Variants in AMMECR1 observed in about 807,000 individuals in gnomAD.
AMMECR1 encodes the protein AMMECR nuclear protein 1.
A neutral mutation model predicts 22.5 loss-of-function variants in AMMECR1; 3 were observed. That is an observed-to-expected ratio of 0.13 (90% confidence interval 0.06 to 0.35). The LOEUF is 0.35. AMMECR1 is among the 10% of genes least tolerant of loss of function. The pLI, the probability that AMMECR1 is intolerant of heterozygous loss-of-function variation, is 1.00. For synonymous variants in AMMECR1, 130 were observed against 116.7 expected (o/e 1.11, Z -0.74); for missense variants, 235 against 278.7 (o/e 0.84, Z 1.12).
chrX:110,347,907 T>C (rs181856031), intron 2 of AMMECR1, among the ~76,000 whole-genome samples: 2 of 112,708 alleles, frequency 1.8e-5, no homozygotes, highest in East Asian at 5.5e-4. Context: ...CTTCTGATCT[T>C]TGTGAATACT....
chrX:110,356,657 T>A (rs940196806), intron 2 of AMMECR1, among the ~76,000 whole-genome samples: 4 of 111,299 alleles, frequency 3.6e-5, no homozygotes, highest in Non-Finnish European at 7.5e-5. Context: ...AACATCACAT[T>A]GTACCATATA....
intron 2 of AMMECR1, among the ~76,000 whole-genome samples, chrX:110,399,004 G>A (rs1190568941): frequency 1.8e-5 from 2 of 111,945 alleles, no homozygotes; most frequent in African/African-American, 6.5e-5. Context: ...GAGAGTGGTG[G>A]AACTCATGTT....
chrX:110,297,451 C>T (rs1250501103), intron 1 of AMMECR1, among the ~76,000 whole-genome samples: 1 of 111,662 alleles, frequency 9.0e-6, no homozygotes. Flanking sequence ...ATGTGAGGAG[C>T]TTGCAACTCT....
chrX:110,319,288 T>C (rs1444013411), upstream of AMMECR1, among the ~76,000 whole-genome samples: 2 of 112,405 alleles, frequency 1.8e-5, no homozygotes, highest in Non-Finnish European at 3.8e-5. Context: ...ATCTACACCA[T>C]GCTAAAACAT....
intron 2 of AMMECR1, among the ~76,000 whole-genome samples, chrX:110,228,916 A>C (rs768797262): frequency 8.9e-6 from 1 of 112,415 alleles, no homozygotes; most frequent in Non-Finnish European, 1.9e-5. Flanking sequence ...CATTTTTAAA[A>C]TAGAGTATTT....
At chrX:110,258,086 T>C (rs1172987416) in intron 2 of AMMECR1, among the ~76,000 whole-genome samples, 1 of 111,912 alleles carries the variant, frequency 8.9e-6, no homozygotes, top group Non-Finnish European at 1.9e-5. Flanking sequence ...GCCCCAGGCA[T>C]TTTGCCTGTG....
chrX:110,349,348 G>T lies in AMMECR1; in HGVS notation c.-147-31499C>A, dbSNP rs901780449. ...CTGAGAAGTCCAAGATTGAGATTAGGGTGCCAATGTGCTCAGTGTGGTGCA... is the reference window on the plus strand; with the variant it reads ...CTGAGAAGTCCAAGATTGAGATTAGTGTGCCAATGTGCTCAGTGTGGTGCA... On this transcript the variant is annotated intron_variant, in intron 2 of 7. Transcript: ENST00000372057. Among the ~76,000 whole-genome samples the T allele has an allele frequency of 3.6e-5, 4 of 111,426 alleles. 1 individual carries two copies. The highest frequency in any genetic ancestry group is 7.5e-5 in the Non-Finnish European group (4 of 53,073).
chrX:110,251,011 C>T (rs1196506011), intron 2 of AMMECR1, among the ~76,000 whole-genome samples: 1 of 112,090 alleles, frequency 8.9e-6, no homozygotes, highest in Non-Finnish European at 1.9e-5. Context: ...CACTATCAAT[C>T]AACACTGGTA....
chrX:110,334,831 C>G lies in AMMECR1; in HGVS notation c.-147-16982G>C, dbSNP rs2068134928. 2.7e-5 allele frequency among the ~76,000 whole-genome samples: 3 copies of G among 111,983 alleles called. No homozygotes were observed. In the Admixed American group the frequency reaches 2.8e-4, roughly 11 times the overall value. On this transcript the variant is annotated intron_variant, in intron 2 of 7. Coordinates refer to the AMMECR1 transcript ENST00000372057. ...CCTCATGTTCTGGACCACACAGAGT[C>G]AGACCTTGGCACATTTCTGCCTGCT...
At chrX:110,325,748 T>C (rs995340397) in intron 2 of AMMECR1, among the ~76,000 whole-genome samples, 2 of 112,106 alleles carry the variant, frequency 1.8e-5, no homozygotes, top group Admixed American at 1.9e-4. Context: ...GTTTGGTTAC[T>C]TTTCTCTATT....
intron 2 of AMMECR1, among the ~76,000 whole-genome samples, chrX:110,425,062 T>TA (rs1166747974): frequency 8.9e-6 from 1 of 111,976 alleles, no homozygotes; most frequent in Admixed American, 9.5e-5. Flanking sequence ...AGAATCCTCT[T>TA]ATAATCACTG....
At chrX:110,425,654 A>G (rs1376127851) in intron 2 of AMMECR1, among the ~76,000 whole-genome samples, 1 of 112,479 alleles carries the variant, frequency 8.9e-6, no homozygotes, top group Non-Finnish European at 1.9e-5. Flanking sequence ...ACACTCACTA[A>G]TTCATTTAAT....
In AMMECR1 at chrX:110,252,808, C is replaced by T. The variant is rs187543208; in HGVS notation, c.584+11681G>A. On this transcript the variant is annotated intron_variant, in intron 2 of 5. Coordinates refer to ENST00000262844, the MANE Select transcript of AMMECR1 (RefSeq NM_015365.3). ...TCCTTGCCCTCATGGAATTTACATTCGCATTAAGAAAGACTCACAAATATA... is the reference window on the plus strand; with the variant it reads ...TCCTTGCCCTCATGGAATTTACATTTGCATTAAGAAAGACTCACAAATATA... Among the ~76,000 whole-genome samples, 200 of 112,406 alleles carry T rather than the reference C, an allele frequency of 1.8e-3. 1 individual carries two copies. Among genetic ancestry groups the T allele is most frequent in the Non-Finnish European group, 2.6e-3 (136 of 53,289 alleles).
At chrX:110,387,074 G>T (rs903492660) in intron 2 of AMMECR1, among the ~76,000 whole-genome samples, 1 of 111,973 alleles carries the variant, frequency 8.9e-6, no homozygotes, top group Non-Finnish European at 1.9e-5. Flanking sequence ...AAGGAGAAGG[G>T]ATCTAAGCAG....
Position 110,317,604 on chromosome X carries a change from C to T in AMMECR1, c.468G>A (p.Glu156=), listed in dbSNP as rs1408860068. The T allele has an allele frequency of 5.9e-6, 7 of 1,190,065 alleles. No individual in the cohort carries two copies. The East Asian group carries it at 1.8e-4, about 30-fold the overall frequency. Residue 156 remains glutamate, a synonymous_variant, in exon 1 of 6, where the codon GAG becomes GAA. Coordinates refer to ENST00000262844, the MANE Select transcript of AMMECR1 (RefSeq NM_015365.3). Reference sequence around the variant, plus strand: ...GCGGAGGGCACGGTACTCACTAGGGCTCGTTGGTGAATCGGGGGGTCCGGG... The same window carrying T: ...GCGGAGGGCACGGTACTCACTAGGGTTCGTTGGTGAATCGGGGGGTCCGGG... ...QQPRTPRFTN[E]PYPLFVTWKI...
intron 2 of AMMECR1, among the ~76,000 whole-genome samples, chrX:110,329,157 C>A (rs1294507599): frequency 8.9e-6 from 1 of 112,501 alleles, no homozygotes; most frequent in East Asian, 2.8e-4. Flanking sequence ...GATCGCCATT[C>A]TAAGTGGCAT....
chrX:110,348,773 T>C (rs2068200291), intron 2 of AMMECR1, among the ~76,000 whole-genome samples: 1 of 112,374 alleles, frequency 8.9e-6, no homozygotes, highest in Non-Finnish European at 1.9e-5. Flanking sequence ...ATAATTCACA[T>C]TTATGTATAT....
chrX:110,237,674 A>G (rs2067608796), intron 2 of AMMECR1, among the ~76,000 whole-genome samples: 1 of 111,939 alleles, frequency 8.9e-6, no homozygotes, highest in Non-Finnish European at 1.9e-5. Context: ...ACCAGGTTAT[A>G]GCACCTCATT....
At chrX:110,329,471 T>C (rs1403508044) in intron 2 of AMMECR1, among the ~76,000 whole-genome samples, 1 of 112,082 alleles carries the variant, frequency 8.9e-6, no homozygotes, top group East Asian at 2.8e-4. Context: ...TGAAATACAA[T>C]GTACAGTAAC....
Sources: allele counts gnomAD v4.1 joint callset (sites outside exome capture counted in the v4.1 genomes callset), GRCh38; gene constraint gnomAD v4.1.1; transcripts MANE v1.5; gene names NCBI Gene and HGNC (gene_info 2026-07-23, HGNC 2026-07-21).